Variants in TTC24 observed in about 807,000 individuals in gnomAD.
The protein encoded by TTC24 is tetratricopeptide repeat protein 24.
Under a neutral mutation model 63.3 loss-of-function variants are expected in TTC24, and 54 were observed. That is an observed-to-expected ratio of 0.85 (90% confidence interval 0.69 to 1.07). The LOEUF (loss-of-function observed/expected upper bound fraction) is 1.07. TTC24 is among the 50% of genes least tolerant of loss of function. The pLI is 0.00. For synonymous variants in TTC24, 276 were observed against 304.3 expected (o/e 0.91, Z 0.97); for missense variants, 680 against 730.5 (o/e 0.93, Z 0.80).
chr1:156,586,462 C>G lies in TTC24; in HGVS notation c.1668-7C>G. On this transcript the variant is annotated splice_region_variant and splice_polypyrimidine_tract_variant and intron_variant, in intron 10 of 10. Coordinates refer to ENST00000368236, the MANE Select transcript of TTC24 (RefSeq NM_001105669.4). ...CCCACTGGCAAGCCCCTCCCTGCCT[C>G]TTTCAGGTCATCCAGGTGGCCCAGG... 1 of 1,612,758 alleles carries G rather than the reference C, an allele frequency of 6.2e-7. No homozygotes were observed. The highest frequency in any genetic ancestry group is 8.5e-7 in the Non-Finnish European group (1 of 1,179,508).
In TTC24 at chr1:156,582,288, C is replaced by T; in HGVS notation, c.764C>T (p.Ala255Val). 6.4e-7 allele frequency: 1 copy of T among 1,567,008 alleles called. No homozygotes were observed. The highest frequency in any genetic ancestry group is 8.6e-7 in the Non-Finnish European group (1 of 1,156,498). ...GYSQLQLFPLAVEAFLQALPL... is the reference protein window; with the variant it reads ...GYSQLQLFPLVVEAFLQALPL... ...TCCCAGCTCCAGCTGTTCCCGCTGG[C>T]CGTGGAGGCCTTCCTGCAGGCCCTG... is the stretch of plus-strand genomic sequence containing the variant. The change falls in exon 3 of 11, where the codon GCC becomes GTC. Residue 255 changes from alanine to valine, a missense_variant. Transcript: ENST00000368236.
intron 1 of TTC24, among the ~76,000 whole-genome samples, chr1:156,580,622 C>T (rs374715932): frequency 1.1e-4 from 16 of 152,160 alleles, no homozygotes; most frequent in East Asian, 7.7e-4. Context: ...GGATTACAGG[C>T]GCCCGCCACC....
chr1:156,583,296 T>C lies in TTC24; in HGVS notation c.1040-42T>C. The C allele has an allele frequency of 1.2e-6, 2 of 1,601,250 alleles. No individual in the cohort carries two copies. The highest frequency in any genetic ancestry group is 1.4e-5 in the African/African-American group (1 of 73,786). On this transcript the variant is annotated intron_variant, in intron 4 of 10. Transcript: ENST00000368236. This position sits in a 1 kb window ranked among gnomAD's most constrained non-coding sequence, Gnocchi z 4.0. ...CCTCTGAGGGGGTGGATCAGTGGGG[T>C]AGGAAGTCATGAAAGGACCTTCCAG...
At chr1:156,585,276 A>G (rs552814318) in intron 8 of TTC24, 45 bp downstream of exon 8, 1 of 1,492,156 alleles carries the variant, frequency 6.7e-7, no homozygotes, top group East Asian at 2.3e-5. Context: ...TCCTTACTGC[A>G]AATATGGCAC....
chr1:156,583,773 C>A lies in TTC24; in HGVS notation c.1153-24C>A. 1 of 1,540,066 alleles carries A rather than the reference C, an allele frequency of 6.5e-7. No individual in the cohort carries two copies. Among genetic ancestry groups the A allele is most frequent in the Non-Finnish European group, 8.8e-7 (1 of 1,138,494 alleles). On this transcript the variant is annotated intron_variant, in intron 5 of 10. Transcript: ENST00000368236. The surrounding 1 kb of genome is among the most constrained non-coding windows in gnomAD (Gnocchi z 4.0). ...CATAAGGTCCAGGCATTCCCCATTA[C>A]CCTATTATCCACCCTCTTCCCAGAA... is the stretch of plus-strand genomic sequence containing the variant.
chr1:156,583,146 G>A lies in TTC24; in HGVS notation c.1015G>A (p.Ala339Thr). The A allele has an allele frequency of 1.2e-6, 2 of 1,613,204 alleles. No homozygotes were observed. Among genetic ancestry groups the A allele is most frequent in the Non-Finnish European group, 1.7e-6 (2 of 1,179,560 alleles). The change falls in exon 4 of 11, where the codon GCC becomes ACC. Residue 339 changes from alanine (A) to threonine (T), a missense_variant. Coordinates refer to ENST00000368236, the MANE Select transcript of TTC24 (RefSeq NM_001105669.4). This position sits in a 1 kb window ranked among gnomAD's most constrained non-coding sequence, Gnocchi z 4.0. ...GGCTGCCAGAGACAACTACCTGCAT[G>A]CCCTGCAGGCTGCCCGGGACTCTGG... ...HKAARDNYLH[A>T]LQAARDSGDM...
rs1190343330 is a variant in TTC24, at chr1:156,583,266, G to A, written c.1040-72G>A. ...GCAGATGGGGGGAACTGAGGGTAGGGAGTGCCTCTGAGGGGGTGGATCAGT... is the reference window on the plus strand; with the variant it reads ...GCAGATGGGGGGAACTGAGGGTAGGAAGTGCCTCTGAGGGGGTGGATCAGT... On this transcript the variant is annotated intron_variant, in intron 4 of 10. Transcript: ENST00000368236. The surrounding 1 kb of genome is among the most constrained non-coding windows in gnomAD (Gnocchi z 4.0). 3 of 1,608,346 alleles carry A rather than the reference G, an allele frequency of 1.9e-6. No individual in the cohort carries two copies. The highest frequency in any genetic ancestry group is 1.1e-5 in the South Asian group (1 of 90,686).
rs1278672872 is a variant in TTC24 at position 156,585,822 on chromosome 1, C to T, written c.1566C>T (p.Ile522=). 3.1e-6 allele frequency: 5 copies of T among 1,612,176 alleles called. No homozygotes were observed. Among genetic ancestry groups the T allele is most frequent in the Non-Finnish European group, 4.2e-6 (5 of 1,178,328 alleles). The stretch of plus-strand genomic sequence containing the variant: ...GGACAGTCCTCGGCAAAGCCTCCAT[C>T]TATAGTGAGCAGTGCATCCCCTGAC... The part of the protein sequence containing the change: ...CRGTVLGKAS[I]YSPGPRAHLP... Residue 522 remains isoleucine, a synonymous_variant, in exon 9 of 11, where the codon ATC becomes ATT. Transcript: ENST00000368236.
chr1:156,583,125 G>A lies in TTC24; in HGVS notation c.994G>A (p.Ala332Thr). The A allele has an allele frequency of 6.2e-7, 1 of 1,613,712 alleles. No individual in the cohort carries two copies. ...ALSQLGDHKA[A>T]RDNYLHALQA... ...GAGCCAGCTGGGGGACCACAAGGCT[G>A]CCAGAGACAACTACCTGCATGCCCT... Residue 332 changes from alanine to threonine, a missense_variant, in exon 4 of 11, where the codon GCC becomes ACC. Transcript: ENST00000368236. This position sits in a 1 kb window ranked among gnomAD's most constrained non-coding sequence, Gnocchi z 4.0.
Position 156,581,675 on chromosome 1 carries a change from G to A in TTC24, c.311G>A (p.Arg104Gln), listed in dbSNP as rs774582937. The stretch of plus-strand genomic sequence containing the variant: ...GCCAGAGGCCTTGAGCTACTCCTGC[G>A]AGCCCACCCTGAAGAGAAGGCACAG... ...DPARGLELLLRAHPEEKAQGR... is the reference protein window; with the variant it reads ...DPARGLELLLQAHPEEKAQGR... The change falls in exon 2 of 11, where the codon CGA becomes CAA. Residue 104 changes from arginine to glutamine, a missense_variant. Physicochemically the swap from Arg to Gln is conservative, Grantham distance 43 (BLOSUM62 1). Coordinates refer to ENST00000368236, the MANE Select transcript of TTC24 (RefSeq NM_001105669.4). 24 of 1,551,704 alleles carry A rather than the reference G, an allele frequency of 1.5e-5. No individual in the cohort carries two copies. Among genetic ancestry groups the A allele is most frequent in the Admixed American group, 9.8e-5 (5 of 51,010 alleles).
At chr1:156,582,758 G>A (rs532752757) in intron 3 of TTC24, among the ~76,000 whole-genome samples, 5 of 152,308 alleles carry the variant, frequency 3.3e-5, no homozygotes, top group Admixed American at 3.3e-4. Flanking sequence ...TTCACTCTCC[G>A]AGCTTCAGTT....
At position 156,583,616 on chromosome 1, in the gene TTC24, C is replaced by T. The variant is rs1459476551; in HGVS notation, c.1152+166C>T. ...GATACTATTGTGAGGAAGAGTTCAT[C>T]GCTGTCCACAATTCTGGGCAGGTGG... On this transcript the variant is annotated intron_variant, in intron 5 of 10. Coordinates refer to ENST00000368236, the MANE Select transcript of TTC24 (RefSeq NM_001105669.4). The surrounding 1 kb of genome is among the most constrained non-coding windows in gnomAD (Gnocchi z 4.0). Among the ~76,000 whole-genome samples, 2 of 152,156 alleles carry T rather than the reference C, an allele frequency of 1.3e-5. No homozygotes were observed. Among genetic ancestry groups the T allele is most frequent in the Non-Finnish European group, 2.9e-5 (2 of 68,030 alleles).
chr1:156,583,811 T>C lies in TTC24; in HGVS notation c.1167T>C (p.Ser389=), dbSNP rs1469046072. The C allele has an allele frequency of 6.3e-7, 1 of 1,587,164 alleles. No homozygotes were observed. The change falls in exon 6 of 11, where the codon TCT becomes TCC. Residue 389 remains serine, a synonymous_variant. Transcript: ENST00000368236. This position sits in a 1 kb window ranked among gnomAD's most constrained non-coding sequence, Gnocchi z 4.0. ...CCTCTTCCCAGAAGGAGCCAGATTC[T>C]GTGCGAGAACGGCTGGTGGCCAAGC... ...ALAQCQKEPD[S]VRERLVAKLA...
At position 156,586,043 on chromosome 1, in the gene TTC24, T is replaced by C. The variant is rs558628326; in HGVS notation, c.1665T>C (p.Asn555=). 9.2e-5 allele frequency: 144 copies of C among 1,567,106 alleles called. 1 individual carries two copies. The South Asian group carries it at 1.6e-3, about 17-fold the overall frequency. The change falls in exon 10 of 11, where the codon AAT becomes AAC. Residue 555 remains asparagine, a splice_region_variant and synonymous_variant. Transcript: ENST00000368236. ...SILVPNGPQA[N]RSSRWPRESL... ...TGGTACCCAATGGCCCTCAAGCCAA[T>C]AGGTGGGTCCTTGGGGGAAAGAAGG...
intron 3 of TTC24, 53 bp downstream of exon 3, chr1:156,582,487 T>C: frequency 1.9e-6 from 3 of 1,551,308 alleles, no homozygotes; most frequent in East Asian, 2.3e-5. Context: ...TAAGAAGGGG[T>C]TCCAAAAGGG....
At position 156,585,933 on chromosome 1, in the gene TTC24, G is replaced by C. The variant is rs1169787483; in HGVS notation, c.1571-16G>C. ...AGAGAGGCACGTGATGAATGTGTCT[G>C]TCCTTCTCCATCTAGGTCCAGGACC... On this transcript the variant is annotated splice_polypyrimidine_tract_variant and intron_variant, in intron 9 of 10. Transcript: ENST00000368236. The C allele has an allele frequency of 1.8e-5, 29 of 1,603,812 alleles. No individual in the cohort carries two copies. Among genetic ancestry groups the C allele is most frequent in the Non-Finnish European group, 2.2e-5 (26 of 1,173,612 alleles).
chr1:156,585,802 G>A lies in TTC24; in HGVS notation c.1546G>A (p.Val516Ile). 2 of 1,613,546 alleles carry A rather than the reference G, an allele frequency of 1.2e-6. No homozygotes were observed. Among genetic ancestry groups the A allele is most frequent in the Non-Finnish European group, 8.5e-7 (1 of 1,179,448 alleles). The change falls in exon 9 of 11, where the codon GTC becomes ATC. Residue 516 changes from valine to isoleucine, a missense_variant. Transcript: ENST00000368236. ...FTKHTPCRGT[V>I]LGKASIYSPG... is the part of the protein sequence containing the mutation. ...CAAGCACACGCCCTGCAGAGGGACAGTCCTCGGCAAAGCCTCCATCTATAG... is the reference window on the plus strand; with the variant it reads ...CAAGCACACGCCCTGCAGAGGGACAATCCTCGGCAAAGCCTCCATCTATAG...
At position 156,585,697 on chromosome 1, in the gene TTC24, G is replaced by C. The variant is rs371119113; in HGVS notation, c.1457-16G>C. On this transcript the variant is annotated splice_polypyrimidine_tract_variant and intron_variant, in intron 8 of 10. Transcript: ENST00000368236. ...CTTGTTGAGCTGACCTGAATTTACC[G>C]ATGTCTCCTTTTCAGTGTGTTTCCT... 1.9e-6 allele frequency: 3 copies of C among 1,584,574 alleles called. No individual in the cohort carries two copies. The highest frequency in any genetic ancestry group is 1.3e-5 in the African/African-American group (1 of 74,218).
At position 156,583,997 on chromosome 1, in the gene TTC24, T is replaced by A. The variant is rs186791118; in HGVS notation, c.1251+102T>A. The A allele has an allele frequency of 3.0e-3, 2,875 of 963,138 alleles. 58 individuals carry two copies. In the African/African-American group the frequency reaches 0.042, roughly 14 times the overall value. The allele number at this position is 963,138 out of a possible 1,614,324, so 59.7% of individuals were successfully genotyped here. ...GCTGTTCCCTGGGATGCTGCGCGCT[T>A]GGCCGCTCATCTGTGTTCATCCGCC... On this transcript the variant is annotated intron_variant, in intron 6 of 10. Transcript: ENST00000368236. This position sits in a 1 kb window ranked among gnomAD's most constrained non-coding sequence, Gnocchi z 4.0.
Sources: gnomAD v4.1 joint callset for allele counts (sites outside exome capture counted in the v4.1 genomes callset) on GRCh38, gnomAD v4.1.1 for gene constraint, Gnocchi (gnomAD v3.1) non-coding constraint, MANE v1.5 for transcripts, NCBI Gene and HGNC (gene_info 2026-07-23, HGNC 2026-07-21) for gene names.